TMLHE: variants seen among roughly 807,000 people sequenced by gnomAD.
TMLHE encodes trimethyllysine hydroxylase, epsilon.
In TMLHE, 18 loss-of-function variants were observed where a neutral mutation model predicts 25.7. The observed-to-expected ratio is 0.70, with a 90% CI of 0.48 to 1.04. The LOEUF (loss-of-function observed/expected upper bound fraction) is 1.04, where lower values mean the gene tolerates loss of function less well. Ranked by LOEUF, TMLHE falls within the 50% of genes least tolerant of loss-of-function variation. TMLHE has a pLI of 0.00. For missense variants in TMLHE, 236 were observed against 259.0 expected (o/e 0.91, Z 0.61); for synonymous variants, 105 against 97.0 (o/e 1.08, Z -0.49).
At chrX:155,611,484 C>G (rs1389749389) in intron 1 of TMLHE, 13 of 110,763 alleles carry the variant, frequency 1.2e-4, no homozygotes, top group Admixed American at 1.1e-3. Context: ...GGTTGACAAG[C>G]AGAAATACAG....
intron 1 of TMLHE, among the ~76,000 whole-genome samples, chrX:155,587,419 A>T (rs1289310440): frequency 8.9e-6 from 1 of 111,989 alleles, no homozygotes; most frequent in African/African-American, 3.2e-5. Context: ...TACCAAATGG[A>T]AAAAAGCTAA....
intron 4 of TMLHE, among the ~76,000 whole-genome samples, chrX:155,512,857 C>T (rs1037369227): frequency 1.7e-4 from 19 of 111,766 alleles, no homozygotes; most frequent in African/African-American, 5.2e-4. Flanking sequence ...TGTGTCTCTC[C>T]TTGAAGTATA....
At chrX:155,584,382 C>G (rs1417272341) in intron 1 of TMLHE, among the ~76,000 whole-genome samples, 2 of 110,408 alleles carry the variant, frequency 1.8e-5, no homozygotes, top group Admixed American at 9.7e-5. Context: ...ATAAAGTGAT[C>G]AAATCTTTGA....
At chrX:155,591,167 T>C (rs782689032) in intron 1 of TMLHE, among the ~76,000 whole-genome samples, 2 of 111,053 alleles carry the variant, frequency 1.8e-5, no homozygotes, top group South Asian at 7.5e-4. Flanking sequence ...ATCTAACAAA[T>C]AGAGCCCCAT....
chrX:155,604,831 G>C (rs782178731), intron 1 of TMLHE, among the ~76,000 whole-genome samples: 1 of 112,002 alleles, frequency 8.9e-6, no homozygotes, highest in Non-Finnish European at 1.9e-5. Flanking sequence ...TCTGTGAAAC[G>C]AAGAACAAGA....
At chrX:155,577,041 G>A (rs2067595018) in intron 1 of TMLHE, among the ~76,000 whole-genome samples, 1 of 111,749 alleles carries the variant, frequency 8.9e-6, no homozygotes, top group Non-Finnish European at 1.9e-5. Context: ...CTTTTGCACA[G>A]CAAAAGAAAC....
At chrX:155,507,951 G>A (rs1261337826) in intron 5 of TMLHE, among the ~76,000 whole-genome samples, 4 of 111,148 alleles carry the variant, frequency 3.6e-5, no homozygotes, top group Non-Finnish European at 7.6e-5. Context: ...GAGAGATACC[G>A]AGATAGAAGT....
intron 1 of TMLHE, among the ~76,000 whole-genome samples, chrX:155,547,311 A>ATTT (rs1479485138): frequency 2.0e-5 from 2 of 100,864 alleles, no homozygotes; most frequent in Non-Finnish European, 4.1e-5. Flanking sequence ...CGCCCGGCTA[A>ATTT]TTTTTTGTAT....
At chrX:155,592,002 T>C (rs781904113) in intron 1 of TMLHE, among the ~76,000 whole-genome samples, 2 of 112,001 alleles carry the variant, frequency 1.8e-5, no homozygotes, top group East Asian at 5.6e-4. Context: ...CACAATGGGA[T>C]ACTATTCAGC....
At chrX:155,589,345 G>T (rs187393912) in intron 1 of TMLHE, among the ~76,000 whole-genome samples, 1 of 111,365 alleles carries the variant, frequency 9.0e-6, no homozygotes, top group Non-Finnish European at 1.9e-5. Context: ...CTACTCTCGG[G>T]AGGCTAAGGC....
At chrX:155,585,278 T>C (rs1170168956) in intron 1 of TMLHE, among the ~76,000 whole-genome samples, 2 of 110,941 alleles carry the variant, frequency 1.8e-5, no homozygotes, top group Admixed American at 9.6e-5. Context: ...AGACATTACA[T>C]GCAAATGGAA....
chrX:155,557,562 T>C (rs1433580606), intron 1 of TMLHE, among the ~76,000 whole-genome samples: 2 of 112,041 alleles, frequency 1.8e-5, no homozygotes, highest in Non-Finnish European at 3.8e-5. Context: ...TTCTCTCTCC[T>C]TTTTTTCTAG....
At chrX:155,555,578 C>T (rs782538767) in intron 1 of TMLHE, among the ~76,000 whole-genome samples, 45 of 110,677 alleles carry the variant, frequency 4.1e-4, no homozygotes, top group Middle Eastern at 9.3e-3. Context: ...TTCTAACTGG[C>T]GTGAGATGGT....
chrX:155,567,461 T>TA (rs1278635106), intron 1 of TMLHE, among the ~76,000 whole-genome samples: 2 of 61,190 alleles, frequency 3.3e-5, no homozygotes, highest in South Asian at 9.7e-4. Context: ...GCTATCCAAT[T>TA]AAAAAAAATA....
chrX:155,506,726 A>G (rs2067078223), intron 6 of TMLHE, among the ~76,000 whole-genome samples, 172 bp downstream of exon 6: 1 of 111,509 alleles, frequency 9.0e-6, no homozygotes. Context: ...GTTGGTGGCT[A>G]TTTACTATTC....
At chrX:155,600,784 C>A (rs1285755891) in intron 1 of TMLHE, among the ~76,000 whole-genome samples, 1 of 112,113 alleles carries the variant, frequency 8.9e-6, no homozygotes, top group Non-Finnish European at 1.9e-5. Flanking sequence ...TATACAGTAG[C>A]AAGTAATAGC....
chrX:155,604,619 A>C (rs782187480), intron 1 of TMLHE, among the ~76,000 whole-genome samples: 14 of 111,491 alleles, frequency 1.3e-4, no homozygotes, highest in Admixed American at 3.8e-4. Context: ...CAAGAGTGTC[A>C]AGCCAAGCTC....
At chrX:155,593,728 G>A (rs375423298) in intron 1 of TMLHE, among the ~76,000 whole-genome samples, 2 of 110,879 alleles carry the variant, frequency 1.8e-5, no homozygotes, top group South Asian at 3.8e-4. Context: ...TAAGAAGGCT[G>A]ACGAAGAAAT....
chrX:155,549,481 T>TTGC (rs1557339676), intron 1 of TMLHE, among the ~76,000 whole-genome samples: 1 of 110,938 alleles, frequency 9.0e-6, no homozygotes, highest in Non-Finnish European at 1.9e-5. Context: ...ACATCTATTA[T>TTGC]TTTATGGCTT....
Sources: gnomAD v4.1 joint callset for allele counts (sites outside exome capture counted in the v4.1 genomes callset) on GRCh38, gnomAD v4.1.1 for gene constraint, MANE v1.5 for transcripts, NCBI Gene and HGNC (gene_info 2026-07-23, HGNC 2026-07-21) for gene names.